Variants in PAPPA2 observed in about 807,000 individuals in gnomAD.
PAPPA2 encodes pappalysin 2, also known as pappalysin-2.
Under a neutral mutation model 176.4 loss-of-function variants are expected in PAPPA2, and 86 were observed. The ratio of observed to expected loss-of-function variants is 0.49; its 90% CI spans 0.41 to 0.58. PAPPA2 has a LOEUF of 0.58. PAPPA2 is among the 20% of genes least tolerant of loss of function. The pLI is 0.00. For synonymous variants in PAPPA2, 809 were observed against 852.2 expected (o/e 0.95, Z 0.88); for missense variants, 2,073 against 2,256.9 (o/e 0.92, Z 1.65).
At chr1:176,668,304 C>T (rs1446088603) in intron 3 of PAPPA2, among the ~76,000 whole-genome samples, 2 of 152,154 alleles carry the variant, frequency 1.3e-5, no homozygotes, top group African/African-American at 4.8e-5. Context: ...AAGGTAGATC[C>T]TGGCAGAAAT....
chr1:176,688,867 C>A (rs1573256008), intron 4 of PAPPA2, among the ~76,000 whole-genome samples: 1 of 152,244 alleles, frequency 6.6e-6, no homozygotes, highest in Non-Finnish European at 1.5e-5. Context: ...ATGTGGTTGT[C>A]TAAGGGATGT....
chr1:176,489,563 A>C (rs1485365971), intron 1 of PAPPA2, among the ~76,000 whole-genome samples: 1 of 152,184 alleles, frequency 6.6e-6, no homozygotes, highest in East Asian at 1.9e-4. Flanking sequence ...TTGGAGTCCT[A>C]TGGCAGCTAC....
At chr1:176,753,082 C>T (rs895877827) in intron 14 of PAPPA2, among the ~76,000 whole-genome samples, 1 of 152,056 alleles carries the variant, frequency 6.6e-6, no homozygotes, top group African/African-American at 2.4e-5. Context: ...CCTAATAGTC[C>T]CCAGAGAATT....
chr1:176,659,715 G>A (rs1046951650), intron 3 of PAPPA2, among the ~76,000 whole-genome samples: 1 of 152,074 alleles, frequency 6.6e-6, no homozygotes, highest in Non-Finnish European at 1.5e-5. Context: ...CTTCAAGATT[G>A]TAACAATTTA....
intron 21 of PAPPA2, among the ~76,000 whole-genome samples, chr1:176,831,239 T>C (rs1458444668): frequency 6.6e-6 from 1 of 152,014 alleles, no homozygotes; most frequent in Non-Finnish European, 1.5e-5. Flanking sequence ...TGGTAACAGG[T>C]GAGGGAAGAG....
At chr1:176,774,730 G>T (rs1002415406) in intron 17 of PAPPA2, among the ~76,000 whole-genome samples, 2 of 151,794 alleles carry the variant, frequency 1.3e-5, no homozygotes, top group Non-Finnish European at 2.9e-5. Flanking sequence ...TTCCCCACAT[G>T]AAAATGAATG....
At chr1:176,528,705 T>C (rs1649629030) in intron 1 of PAPPA2, among the ~76,000 whole-genome samples, 1 of 152,222 alleles carries the variant, frequency 6.6e-6, no homozygotes, top group South Asian at 2.1e-4. Flanking sequence ...AGTCTCACAT[T>C]CAAGACTTCC....
At chr1:176,758,663 C>T (rs891159797) in intron 14 of PAPPA2, among the ~76,000 whole-genome samples, 7 of 152,168 alleles carry the variant, frequency 4.6e-5, no homozygotes, top group African/African-American at 1.4e-4. Context: ...AGAAAGACCT[C>T]TGGGACTGCT....
At chr1:176,728,925 TTATCTC>T (rs1269479469) in intron 12 of PAPPA2, among the ~76,000 whole-genome samples, 3 of 151,940 alleles carry the variant, frequency 2.0e-5, no homozygotes, top group Admixed American at 2.0e-4. Context: ...TATTACCCAA[TTATCTC>T]TATTTAATTA....
chr1:176,622,606 C>G (rs185152034), intron 3 of PAPPA2, among the ~76,000 whole-genome samples: 94 of 152,244 alleles, frequency 6.2e-4, no homozygotes, highest in African/African-American at 2.2e-3. Flanking sequence ...CCATTTCTAA[C>G]TTAATAATGG....
chr1:176,573,046 A>T (rs1230927052), intron 2 of PAPPA2, among the ~76,000 whole-genome samples: 1 of 152,144 alleles, frequency 6.6e-6, no homozygotes, highest in Non-Finnish European at 1.5e-5. Context: ...AAGAACCTTG[A>T]GAGAGATGGG....
intron 3 of PAPPA2, among the ~76,000 whole-genome samples, chr1:176,663,303 G>A (rs1252955947): frequency 6.6e-6 from 1 of 152,072 alleles, no homozygotes; most frequent in Non-Finnish European, 1.5e-5. Flanking sequence ...TCTGCATTGT[G>A]GCATTGCCTC....
intron 12 of PAPPA2, among the ~76,000 whole-genome samples, chr1:176,715,535 A>G (rs1224557112): frequency 6.6e-6 from 1 of 152,182 alleles, no homozygotes; most frequent in Non-Finnish European, 1.5e-5. Flanking sequence ...TGAGTGGGAA[A>G]CAGTCATATC....
At chr1:176,648,839 A>G (rs1355151280) in intron 3 of PAPPA2, among the ~76,000 whole-genome samples, 1 of 151,432 alleles carries the variant, frequency 6.6e-6, no homozygotes. Flanking sequence ...GTTTGCTAAT[A>G]TTTTGCTGAG....
At chr1:176,692,823 C>T (rs772624084) in intron 6 of PAPPA2, among the ~76,000 whole-genome samples, 4 of 152,162 alleles carry the variant, frequency 2.6e-5, no homozygotes, top group Non-Finnish European at 4.4e-5. Context: ...GTGCCTCCCC[C>T]TCTTAAGGCC....
intron 3 of PAPPA2, among the ~76,000 whole-genome samples, chr1:176,623,775 C>CTTTCTT (rs1204107864): frequency 9.6e-6 from 1 of 103,654 alleles, no homozygotes; most frequent in Non-Finnish European, 2.0e-5. Flanking sequence ...TTCTTTCTTT[C>CTTTCTT]TTTCTTTCTT....
chr1:176,670,427 T>G (rs1427348706), intron 3 of PAPPA2, among the ~76,000 whole-genome samples: 1 of 152,220 alleles, frequency 6.6e-6, no homozygotes, highest in Non-Finnish European at 1.5e-5. Context: ...GTAGCTTTAT[T>G]ATGTCCTTCC....
At chr1:176,464,916 G>A (rs933998024) in intron 1 of PAPPA2, among the ~76,000 whole-genome samples, 1 of 152,122 alleles carries the variant, frequency 6.6e-6, no homozygotes, top group Admixed American at 6.5e-5. Flanking sequence ...CCGGATAGGT[G>A]GCTGGATAGT....
At chr1:176,634,799 G>GAGATAGATAGAT (rs11277807) in intron 3 of PAPPA2, among the ~76,000 whole-genome samples, 53 of 120,166 alleles carry the variant, frequency 4.4e-4, no homozygotes, top group Admixed American at 2.6e-3. Flanking sequence ...TCCAAGGAGA[G>GAGATAGATAGAT]AGATAGATAG....
Sources: allele counts gnomAD v4.1 joint callset (sites outside exome capture counted in the v4.1 genomes callset), GRCh38; gene constraint gnomAD v4.1.1; transcripts MANE v1.5; gene names NCBI Gene and HGNC (gene_info 2026-07-23, HGNC 2026-07-21).